Variants in EPG5 observed in about 807,000 individuals in gnomAD.
The protein encoded by EPG5 is ectopic P granules protein 5 homolog.
A neutral mutation model predicts 302.7 loss-of-function variants in EPG5; 159 were observed. The ratio of observed to expected loss-of-function variants is 0.53; its 90% CI spans 0.46 to 0.60. The LOEUF is 0.60. EPG5 is among the 20% of genes least tolerant of loss of function. The probability of loss-of-function intolerance (pLI) is 0.00; values close to 1 mark genes in which losing one functional copy is unlikely to be tolerated. For missense variants in EPG5, 2,896 were observed against 3,092.4 expected, an observed-to-expected ratio of 0.94 and a Z score of 1.51; for synonymous variants, 1,158 against 1,136.8, an observed-to-expected ratio of 1.02 and a Z score of -0.37.
At position 45,880,154 on chromosome 18, in the gene EPG5, G is replaced by A. The variant is rs1279738280; in HGVS notation, c.5588C>T (p.Pro1863Leu). 6.2e-7 allele frequency: 1 copy of A among 1,611,944 alleles called. No homozygotes were observed. Among genetic ancestry groups the A allele is most frequent in the South Asian group, 1.1e-5 (1 of 90,984 alleles). ...ATLRALGCCA[P>L]SCQQGAASTE... Reference sequence around the variant, plus strand: ...GGACGCTGCCCCCTGCTGGCAGCTGGGGGCGCAGCAGCCCAGGGCTCTCAG... The same window carrying A: ...GGACGCTGCCCCCTGCTGGCAGCTGAGGGCGCAGCAGCCCAGGGCTCTCAG... Residue 1863 changes from proline to leucine, a missense_variant, in exon 32 of 44, where the codon CCC becomes CTC. Physicochemically the swap from Pro to Leu is moderately conservative, Grantham distance 98. This residue lies in a region of EPG5 where 790 missense variants were observed against 798.0 expected (regional missense o/e 0.99). Coordinates refer to ENST00000282041, the MANE Select transcript of EPG5 (RefSeq NM_020964.3).
intron 24 of EPG5, among the ~76,000 whole-genome samples, chr18:45,905,670 C>A (rs2049731859): frequency 6.6e-6 from 1 of 152,110 alleles, no homozygotes; most frequent in African/African-American, 2.4e-5. Flanking sequence ...ACAAAACAAC[C>A]CTGAGCTTGA....
chr18:45,957,506 T>C (rs557312196), intron 1 of EPG5, among the ~76,000 whole-genome samples: 1 of 152,326 alleles, frequency 6.6e-6, no homozygotes, highest in African/African-American at 2.4e-5. Context: ...ACAGGGTTCT[T>C]AGACTGAGAA....
intron 39 of EPG5, among the ~76,000 whole-genome samples, chr18:45,861,760 A>C (rs1012590084): frequency 7.2e-5 from 11 of 152,212 alleles, no homozygotes; most frequent in Non-Finnish European, 1.2e-4. Flanking sequence ...ATTGGTGATC[A>C]GTATATTTTC....
intron 12 of EPG5, among the ~76,000 whole-genome samples, chr18:45,929,589 TAC>T (rs1297403886): frequency 6.6e-6 from 1 of 152,212 alleles, no homozygotes. Flanking sequence ...CAATTGTACA[TAC>T]ACACACAGGA....
intron 11 of EPG5, among the ~76,000 whole-genome samples, chr18:45,932,546 G>A (rs1490490775): frequency 1.3e-5 from 2 of 152,072 alleles, no homozygotes; most frequent in African/African-American, 4.8e-5. Context: ...AAGCACTTCT[G>A]GCATTTACTA....
chr18:45,882,392 G>A lies in EPG5; in HGVS notation c.5400C>T (p.Gly1800=). ...ESIHLALTAW[G]LEPDEDILMP... is the part of the protein sequence containing the mutation. The stretch of plus-strand genomic sequence containing the variant: ...TCAAAATATCCTCATCTGGTTCAAG[G>A]CCCCAGGCAGTAAGTGCCAAGTGAA... The change falls in exon 31 of 44, where the codon GGC becomes GGT. Residue 1800 remains glycine (G), a synonymous_variant. Coordinates refer to ENST00000282041, the MANE Select transcript of EPG5 (RefSeq NM_020964.3). 6.2e-7 allele frequency: 1 copy of A among 1,614,168 alleles called. No individual in the cohort carries two copies. Among genetic ancestry groups the A allele is most frequent in the Non-Finnish European group, 8.5e-7 (1 of 1,180,016 alleles).
At position 45,901,045 on chromosome 18, in the gene EPG5, C is replaced by T. The variant is rs374899586; in HGVS notation, c.4597G>A (p.Ala1533Thr). 3.0e-5 allele frequency: 48 copies of T among 1,614,018 alleles called. No homozygotes were observed. Among genetic ancestry groups the T allele is most frequent in the African/African-American group, 2.5e-4 (19 of 74,928 alleles). ...SSAVLLSQKD[A>T]TQLVCTDLNL... ...AGGTCTGTGCACACCAGCTGGGTGG[C>T]GTCCTTCTGACTCAATAGCACAGCA... The change falls in exon 26 of 44, where the codon GCC becomes ACC. Residue 1533 changes from alanine to threonine, a missense_variant. Physicochemically the swap from Ala to Thr is moderately conservative, Grantham distance 58. This residue lies in a region of EPG5 where 790 missense variants were observed against 798.0 expected (regional missense o/e 0.99). Coordinates refer to ENST00000282041, the MANE Select transcript of EPG5 (RefSeq NM_020964.3).
At chr18:45,916,359 A>C in intron 18 of EPG5, 79 bp downstream of exon 18, 1 of 1,563,876 alleles carries the variant, frequency 6.4e-7, no homozygotes, top group South Asian at 1.2e-5. Context: ...GAAATGACTA[A>C]AACCTAAGTG....
intron 1 of EPG5, among the ~76,000 whole-genome samples, chr18:45,961,940 C>A (rs1342081291): frequency 1.3e-5 from 2 of 149,408 alleles, no homozygotes; most frequent in Admixed American, 6.7e-5. Flanking sequence ...TGTTCTTTTT[C>A]TTTTTTCCAT....
chr18:45,901,493 A>T (rs2049617138), intron 25 of EPG5, among the ~76,000 whole-genome samples: 1 of 152,146 alleles, frequency 6.6e-6, no homozygotes, highest in Non-Finnish European at 1.5e-5. Flanking sequence ...GTAGGTCTGG[A>T]GGCAGGTCAC....
Position 45,870,612 on chromosome 18 carries a change from C to A in EPG5, c.6180G>T (p.Trp2060Cys). ...GCATCTGGTCAGGGTGCAGGTCCTT[C>A]CATGGCAGTTTCCGGTACGTGCTAT... is the stretch of plus-strand genomic sequence containing the variant. ...AFHSTYRKLP[W>C]KDLHPDQMLM... Residue 2060 changes from tryptophan (W) to cysteine (C), a missense_variant, in exon 36 of 44, where the codon TGG becomes TGT. Physicochemically the swap from Trp to Cys is radical, Grantham distance 215. Coordinates refer to ENST00000282041, the MANE Select transcript of EPG5 (RefSeq NM_020964.3). The A allele has an allele frequency of 6.2e-7, 1 of 1,614,096 alleles. No individual in the cohort carries two copies. Among genetic ancestry groups the A allele is most frequent in the Non-Finnish European group, 8.5e-7 (1 of 1,179,998 alleles).
chr18:45,818,296 TATGCA>T, the EPG5 span, among the ~76,000 whole-genome samples: 2 of 152,074 alleles, frequency 1.3e-5, no homozygotes, highest in African/African-American at 2.4e-5. Flanking sequence ...AAGATTTTAA[TATGCA>T]TATTTTTGCC....
chr18:45,907,920 T>TAAAA (rs542412749), intron 24 of EPG5, 38 bp downstream of exon 24: 33 of 1,343,872 alleles, frequency 2.5e-5, no homozygotes, highest in South Asian at 1.4e-4. Context: ...TCAGATATGC[T>TAAAA]AAAAAAAAAA....
chr18:45,943,887 C>T, intron 8 of EPG5, 118 bp downstream of exon 8: 1 of 656,870 alleles, frequency 1.5e-6, no homozygotes. Context: ...CGCCACTGCA[C>T]TCAGGCCTGG....
At chr18:45,888,387 T>A (rs911599968) in intron 28 of EPG5, among the ~76,000 whole-genome samples, 8 of 152,276 alleles carry the variant, frequency 5.3e-5, no homozygotes, top group African/African-American at 1.9e-4. Context: ...CACTGCAACC[T>A]CCACTTCCAG....
At chr18:45,923,459 C>T in intron 14 of EPG5, 72 bp from the exon 15 acceptor site, 4 of 1,497,642 alleles carry the variant, frequency 2.7e-6, no homozygotes, top group Non-Finnish European at 3.6e-6. Context: ...TGAATCAAAA[C>T]ATTAGGCAGA....
intron 36 of EPG5, among the ~76,000 whole-genome samples, chr18:45,869,526 A>G (rs1001125311): frequency 1.3e-5 from 2 of 152,232 alleles, no homozygotes; most frequent in African/African-American, 4.8e-5. Flanking sequence ...AATCTGTCTT[A>G]TAGTTAAGGT....
At chr18:45,917,021 CG>C (rs1460614297) in intron 17 of EPG5, among the ~76,000 whole-genome samples, 1 of 152,154 alleles carries the variant, frequency 6.6e-6, no homozygotes, top group Non-Finnish European at 1.5e-5. Flanking sequence ...GTAACATCTC[CG>C]GGGGAGAAAC....
chr18:45,837,777 C>A, the EPG5 span: 10 of 1,524,068 alleles, frequency 6.6e-6, no homozygotes, highest in Admixed American at 1.9e-5. Flanking sequence ...AACGACCTCT[C>A]GCTGCGCGTC....
Sources: gnomAD v4.1 joint callset for allele counts (sites outside exome capture counted in the v4.1 genomes callset) on GRCh38, gnomAD v4.1.1 for gene constraint, gnomAD v4.1.1 regional missense constraint, MANE v1.5 for transcripts, NCBI Gene and HGNC (gene_info 2026-07-23, HGNC 2026-07-21) for gene names.